The following MTMR10 variants were observed in gnomAD, a reference collection of about 807,000 sequenced individuals.
The protein encoded by MTMR10 is myotubularin-related protein 10.
Under a neutral mutation model 88.1 loss-of-function variants are expected in MTMR10, and 56 were observed. The ratio of observed to expected loss-of-function variants is 0.64; its 90% CI spans 0.51 to 0.79. The LOEUF is 0.79. MTMR10 is among the 30% of genes least tolerant of loss of function. MTMR10 has a pLI of 0.00. For synonymous variants in MTMR10, 380 were observed against 340.9 expected, an observed-to-expected ratio of 1.11 and a Z score of -1.26; for missense variants, 883 against 924.7, an observed-to-expected ratio of 0.95 and a Z score of 0.58.
At chr15:30,929,117 C>A in the MTMR10 span, 3 of 1,206,650 alleles carry the variant, frequency 2.5e-6, no homozygotes, top group Non-Finnish European at 3.5e-6. Flanking sequence ...TGGCCGGTTT[C>A]CAAGTTTTGT....
chr15:30,959,177 C>A, intron 7 of MTMR10, 56 bp from the exon 8 acceptor site: 1 of 1,401,694 alleles, frequency 7.1e-7, no homozygotes, highest in Non-Finnish European at 9.8e-7. Flanking sequence ...GAATAGTGTG[C>A]TCCTGCAGAC....
intron 2 of MTMR10, among the ~76,000 whole-genome samples, chr15:30,983,725 A>G (rs1313689147): frequency 6.6e-6 from 1 of 152,192 alleles, no homozygotes; most frequent in East Asian, 1.9e-4. Flanking sequence ...TGGTATTTTT[A>G]GCACTAAAAC....
intron 5 of MTMR10, among the ~76,000 whole-genome samples, chr15:30,971,064 C>T (rs2063532469): frequency 6.6e-6 from 1 of 152,074 alleles, no homozygotes; most frequent in Non-Finnish European, 1.5e-5. Flanking sequence ...TACTGTGGAA[C>T]ACTCCGAGAA....
At chr15:30,968,270 G>A in intron 5 of MTMR10, 2 of 301,726 alleles carry the variant, frequency 6.6e-6, no homozygotes, top group Non-Finnish European at 1.2e-5. Context: ...AATTTTAATT[G>A]GAAAGTAATT....
chr15:30,940,509 G>GT lies in MTMR10; in HGVS notation c.*960dup, dbSNP rs2063008106. The GT allele has an allele frequency of 1.0e-6, 1 of 985,440 alleles. No individual in the cohort carries two copies. The highest frequency in any genetic ancestry group is 1.7e-5 in the African/African-American group (1 of 57,354). The allele number at this position is 985,440 out of a possible 1,614,324, so 61.0% of individuals were successfully genotyped here. On this transcript the variant is annotated 3_prime_UTR_variant, in exon 16 of 16. Transcript: ENST00000435680. ...CCTCATTAGTTATTTCCAGGGGGAA[G>GT]TGCCAGCAATAGTTTACCACACTGG...
At chr15:30,927,633 A>G in the MTMR10 span, 1 of 985,554 alleles carries the variant, frequency 1.0e-6, no homozygotes, top group Non-Finnish European at 1.2e-6. Flanking sequence ...GACCAGCCAG[A>G]GGAGCTTTGC....
chr15:30,948,274 T>C (rs373359268), intron 13 of MTMR10, 28 bp downstream of exon 13: 23 of 1,590,738 alleles, frequency 1.4e-5, no homozygotes, highest in Non-Finnish European at 1.8e-5. Flanking sequence ...CCTTAAAGAC[T>C]GATAAAAAGG....
intron 5 of MTMR10, among the ~76,000 whole-genome samples, chr15:30,971,069 C>T (rs1524876): frequency 0.41 from 62,744 of 151,838 alleles, 14,378 homozygotes; most frequent in East Asian, 0.85. Context: ...TGGAACACTC[C>T]GAGAAGAGAA....
At chr15:30,930,746 T>C in the MTMR10 span, 20 of 1,547,088 alleles carry the variant, frequency 1.3e-5, no homozygotes, top group Non-Finnish European at 1.7e-5. Context: ...AGTAGGCATT[T>C]CTTGAGTGGC....
At chr15:30,957,141 A>G (rs2063338871) in intron 9 of MTMR10, among the ~76,000 whole-genome samples, 2 of 152,354 alleles carry the variant, frequency 1.3e-5, no homozygotes, top group South Asian at 4.1e-4. Context: ...AGCCTGTTTT[A>G]TAAGATCTGT....
Position 30,941,625 on chromosome 15 carries a change from C to A in MTMR10, c.2179G>T (p.Asp727Tyr). ...YFNASGPHHT[D>Y]TSGTPEFLSS... ...AGAAACTCCGGTGTCCCCGAGGTGT[C>A]GGTGTGGTGAGGGCCGCTGGCGTTG... Residue 727 changes from aspartate to tyrosine, a missense_variant, in exon 16 of 16, where the codon GAC becomes TAC. Around this residue, in one of 3 missense-constraint regions of MTMR10, gnomAD observed 343 missense variants for 323.2 expected, o/e 1.06. Coordinates refer to ENST00000435680, the MANE Select transcript of MTMR10 (RefSeq NM_017762.3). The A allele has an allele frequency of 6.2e-7, 1 of 1,605,476 alleles. No individual in the cohort carries two copies.
At chr15:30,985,017 T>G (rs1418190908) in intron 2 of MTMR10, among the ~76,000 whole-genome samples, 1 of 152,164 alleles carries the variant, frequency 6.6e-6, no homozygotes, top group African/African-American at 2.4e-5. Flanking sequence ...ATTTTACCCT[T>G]CTGCCAAACT....
At position 30,942,219 on chromosome 15, in the gene MTMR10, T is replaced by C. The variant is rs1029786218; in HGVS notation, c.1732-147A>G. ...TTTCCTCCCTTCCTTTGTGTCCTTA[T>C]TCTAATCCTCCTCCCCTGGAATTAC... On this transcript the variant is annotated intron_variant, in intron 15 of 15. Coordinates refer to ENST00000435680, the MANE Select transcript of MTMR10 (RefSeq NM_017762.3). 1.1e-5 allele frequency: 11 copies of C among 988,366 alleles called. No homozygotes were observed. The African/African-American group carries it at 1.6e-4, about 15-fold the overall frequency. The allele number at this position is 988,366 out of a possible 1,614,324, so 61.2% of individuals were successfully genotyped here.
At chr15:30,987,326 A>C (rs1391400673) in intron 2 of MTMR10, among the ~76,000 whole-genome samples, 4 of 152,230 alleles carry the variant, frequency 2.6e-5, no homozygotes, top group Non-Finnish European at 5.9e-5. Context: ...CATTCCTGGC[A>C]CTTTGTGAGA....
chr15:30,932,170 C>T, the MTMR10 span, among the ~76,000 whole-genome samples: 2 of 137,286 alleles, frequency 1.5e-5, no homozygotes, highest in South Asian at 2.3e-4. Flanking sequence ...TGCAGTGAGC[C>T]GAGATTGCGC....
intron 6 of MTMR10, among the ~76,000 whole-genome samples, chr15:30,964,568 G>A (rs902373202): frequency 6.6e-6 from 1 of 152,194 alleles, no homozygotes; most frequent in Non-Finnish European, 1.5e-5. Flanking sequence ...ATTACAGAAT[G>A]TGTAATGTAT....
chr15:30,970,014 T>C (rs1057358271), intron 5 of MTMR10, among the ~76,000 whole-genome samples: 1 of 152,190 alleles, frequency 6.6e-6, no homozygotes, highest in African/African-American at 2.4e-5. Context: ...AGTTTCAATA[T>C]AAAGCGTCTC....
Position 30,940,730 on chromosome 15 carries a change from C to CTAT in MTMR10, c.*737_*739dup. 1 of 989,730 alleles carries CTAT rather than the reference C, an allele frequency of 1.0e-6. No individual in the cohort carries two copies. The highest frequency in any genetic ancestry group is 1.7e-5 in the African/African-American group (1 of 57,348). The allele number at this position is 989,730 out of a possible 1,614,324, so 61.3% of individuals were successfully genotyped here. ...GGCTATGAAGCTTAGTATGAAAAGC[C>CTAT]TATTTCAAATATGCAATGGGATTTT... is the stretch of plus-strand genomic sequence containing the variant. On this transcript the variant is annotated 3_prime_UTR_variant, in exon 16 of 16. Coordinates refer to ENST00000435680, the MANE Select transcript of MTMR10 (RefSeq NM_017762.3).
In MTMR10 at chr15:30,974,377, A is replaced by G; in HGVS notation, c.411T>C (p.Tyr137=). The change falls in exon 5 of 16, where the codon TAT becomes TAC. Residue 137 remains tyrosine, a synonymous_variant. Transcript: ENST00000435680. ...LKFNPTELII[Y]CKDFRIVRFR... ...ATCTGACAATTCTGAAATCTTTACA[A>G]TAAATAATTAACTCTGTTGGATTAA... The G allele has an allele frequency of 1.9e-6, 3 of 1,609,062 alleles. No homozygotes were observed. The highest frequency in any genetic ancestry group is 2.5e-6 in the Non-Finnish European group (3 of 1,176,872).
Sources: gnomAD v4.1 joint callset for allele counts (sites outside exome capture counted in the v4.1 genomes callset) on GRCh38, gnomAD v4.1.1 for gene constraint, gnomAD v4.1.1 regional missense constraint, MANE v1.5 for transcripts, NCBI Gene and HGNC (gene_info 2026-07-23, HGNC 2026-07-21) for gene names.